UBE4B: variants seen among roughly 807,000 people sequenced by gnomAD.
UBE4B encodes the protein ubiquitination factor E4B.
UBE4B carries 27 observed loss-of-function variants against 148.1 expected under a neutral mutation model. The observed-to-expected ratio is 0.18, with a 90% CI of 0.13 to 0.25. The LOEUF is 0.25. UBE4B is among the 10% of genes least tolerant of loss of function. The pLI, the probability that UBE4B is intolerant of heterozygous loss-of-function variation, is 1.00. For synonymous variants in UBE4B, 596 were observed against 619.3 expected, an observed-to-expected ratio of 0.96 and a Z score of 0.56; for missense variants, 1,170 against 1,662.4, an observed-to-expected ratio of 0.70 and a Z score of 5.15.
chr1:10,132,519 A>G (rs369019073), intron 15 of UBE4B, 37 bp downstream of exon 15: 128 of 1,579,804 alleles, frequency 8.1e-5, no homozygotes, highest in African/African-American at 7.1e-4. Context: ...CTGTTTGTCA[A>G]ATTCATTCAT....
At chr1:10,089,612 A>G (rs1644815592) in intron 2 of UBE4B, among the ~76,000 whole-genome samples, 1 of 152,200 alleles carries the variant, frequency 6.6e-6, no homozygotes, top group Non-Finnish European at 1.5e-5. Context: ...TTCATTGTCA[A>G]GAGCTATATA....
chr1:10,033,739 T>C lies in UBE4B; in HGVS notation c.24+45T>C, dbSNP rs746907058. 9.9e-6 allele frequency: 15 copies of C among 1,522,584 alleles called. 1 individual carries two copies. The Admixed American group carries it at 3.2e-4, about 33-fold the overall frequency. The allele number at this position is 1,522,584 out of a possible 1,614,324, so 94.3% of individuals were successfully genotyped here. ...CCTTGAGGGATTAGTTGGCAACTCGTTAGCGCTTTGGACAGGGATGGTATT... is the reference window on the plus strand; with the variant it reads ...CCTTGAGGGATTAGTTGGCAACTCGCTAGCGCTTTGGACAGGGATGGTATT... On this transcript the variant is annotated intron_variant, in intron 1 of 27. Transcript: ENST00000343090.
intron 19 of UBE4B, among the ~76,000 whole-genome samples, chr1:10,147,777 A>G (rs998655048): frequency 6.6e-6 from 1 of 152,144 alleles, no homozygotes; most frequent in African/African-American, 2.4e-5. Flanking sequence ...AGCTAAGAAC[A>G]TTGTTGATCA....
In UBE4B at chr1:10,101,214, C is replaced by T. The variant is rs1645004802; in HGVS notation, c.435+19C>T. 1.2e-6 allele frequency: 2 copies of T among 1,610,340 alleles called. No individual in the cohort carries two copies. Among genetic ancestry groups the T allele is most frequent in the Non-Finnish European group, 1.7e-6 (2 of 1,176,824 alleles). ...TGATAAGGTTGGTAAGCGATGAAGC[C>T]CTTGGTACAGGTAATAGAAATAAAC... On this transcript the variant is annotated intron_variant, in intron 4 of 27. Transcript: ENST00000343090.
At chr1:10,066,790 C>A (rs1286473976) in intron 1 of UBE4B, among the ~76,000 whole-genome samples, 1 of 151,750 alleles carries the variant, frequency 6.6e-6, no homozygotes, top group Admixed American at 6.6e-5. Context: ...CCTGTAGTCC[C>A]AGCTACTCGG....
At chr1:10,111,473 C>T (rs1437125958) in intron 7 of UBE4B, among the ~76,000 whole-genome samples, 1 of 152,128 alleles carries the variant, frequency 6.6e-6, no homozygotes, top group Non-Finnish European at 1.5e-5. Flanking sequence ...GGCCACTGAC[C>T]TCATTGTCTC....
At chr1:10,082,131 A>C (rs1392535066) in intron 2 of UBE4B, among the ~76,000 whole-genome samples, 5 of 152,156 alleles carry the variant, frequency 3.3e-5, no homozygotes, top group Non-Finnish European at 7.3e-5. Context: ...CACTTAATAC[A>C]TATTTATTTA....
chr1:10,071,998 A>G (rs1315958493), intron 1 of UBE4B, 30 bp from the exon 2 acceptor site: 2 of 1,544,750 alleles, frequency 1.3e-6, no homozygotes, highest in East Asian at 4.7e-5. Context: ...CTGATTAGTT[A>G]TAGAATGCCC....
chr1:10,072,462 A>G (rs1336092628), intron 2 of UBE4B: 2 of 698,942 alleles, frequency 2.9e-6, no homozygotes, highest in Admixed American at 2.2e-5. Flanking sequence ...AGGTTTAGGT[A>G]TTATCTCTGA....
chr1:10,057,285 C>T (rs1644191886), intron 1 of UBE4B, among the ~76,000 whole-genome samples: 1 of 151,942 alleles, frequency 6.6e-6, no homozygotes, highest in Non-Finnish European at 1.5e-5. Flanking sequence ...GCAAAAAACA[C>T]AATTAACAAT....
At chr1:10,083,238 G>A (rs1321455615) in intron 2 of UBE4B, among the ~76,000 whole-genome samples, 3 of 152,134 alleles carry the variant, frequency 2.0e-5, no homozygotes, top group Non-Finnish European at 4.4e-5. Flanking sequence ...CCTGAATGAA[G>A]TGAGTAAGCA....
chr1:10,109,721 G>T (rs1300258367), intron 7 of UBE4B, among the ~76,000 whole-genome samples: 1 of 151,876 alleles, frequency 6.6e-6, no homozygotes, highest in African/African-American at 2.4e-5. Flanking sequence ...AGCGATCTCG[G>T]CTCACTGCAA....
At chr1:10,085,247 A>G (rs1453843374) in intron 2 of UBE4B, among the ~76,000 whole-genome samples, 3 of 152,088 alleles carry the variant, frequency 2.0e-5, no homozygotes, top group Non-Finnish European at 4.4e-5. Flanking sequence ...CCCATCCCCT[A>G]TCCTTAGTGA....
chr1:10,118,130 C>T (rs769176794), intron 8 of UBE4B, among the ~76,000 whole-genome samples: 9 of 152,086 alleles, frequency 5.9e-5, no homozygotes, highest in Non-Finnish European at 1.2e-4. Flanking sequence ...GGCTTAAACT[C>T]AGTAAGCTAC....
intron 19 of UBE4B, among the ~76,000 whole-genome samples, 200 bp from the exon 20 acceptor site, chr1:10,148,984 A>G (rs75691022): frequency 0.017 from 2,624 of 152,256 alleles, 35 homozygotes; most frequent in Non-Finnish European, 0.027. Flanking sequence ...CATTTCACAC[A>G]TACCCTTGCA....
chr1:10,169,448 C>T (rs1388537273), intron 24 of UBE4B, among the ~76,000 whole-genome samples: 1 of 152,194 alleles, frequency 6.6e-6, no homozygotes, highest in Admixed American at 6.5e-5. Context: ...AACTTTCCAC[C>T]TCATGTCTCT....
intron 17 of UBE4B, among the ~76,000 whole-genome samples, chr1:10,144,358 C>A (rs1645833331): frequency 6.6e-6 from 1 of 152,100 alleles, no homozygotes; most frequent in South Asian, 2.1e-4. Context: ...AATGTACTTT[C>A]TTGCAACAAA....
At chr1:10,155,087 G>A (rs1226152086) in intron 21 of UBE4B, among the ~76,000 whole-genome samples, 3 of 135,830 alleles carry the variant, frequency 2.2e-5, no homozygotes, top group African/African-American at 3.2e-5. Flanking sequence ...GAGAGAGAGT[G>A]TGTGTGTGTG....
intron 1 of UBE4B, among the ~76,000 whole-genome samples, chr1:10,041,403 C>T (rs1039016094): frequency 8.1e-5 from 12 of 149,026 alleles, no homozygotes; most frequent in African/African-American, 2.7e-4. Flanking sequence ...GGCCTGATCT[C>T]GGCTCACTGC....
Sources: gnomAD v4.1 joint callset for allele counts (sites outside exome capture counted in the v4.1 genomes callset) on GRCh38, gnomAD v4.1.1 for gene constraint, MANE v1.5 for transcripts, NCBI Gene and HGNC (gene_info 2026-07-23, HGNC 2026-07-21) for gene names.